The following TMEM116 variants were observed in gnomAD, a reference collection of about 807,000 sequenced individuals.
TMEM116 encodes transmembrane protein 116.
In TMEM116, 38 loss-of-function variants were observed where a neutral mutation model predicts 44.3. The observed-to-expected ratio is 0.86, with a 90% CI of 0.66 to 1.12. The LOEUF (loss-of-function observed/expected upper bound fraction) is 1.12, where lower values mean the gene tolerates loss of function less well. Among genes scored for constraint, TMEM116 ranks in the 50% most tolerant of loss-of-function variants. The pLI, the probability that TMEM116 is intolerant of heterozygous loss-of-function variation, is 0.00. For synonymous variants in TMEM116, 132 were observed against 144.8 expected (o/e 0.91, Z 0.64); for missense variants, 354 against 401.7 (o/e 0.88, Z 1.01).
chr12:111,999,883 A>G (rs2077156588), intron 3 of TMEM116, among the ~76,000 whole-genome samples: 1 of 152,198 alleles, frequency 6.6e-6, no homozygotes, highest in South Asian at 2.1e-4. Flanking sequence ...GGGGGAGGTA[A>G]ATGCTTCACA....
At chr12:111,988,825 A>G (rs1179458047) in intron 4 of TMEM116, among the ~76,000 whole-genome samples, 3 of 151,876 alleles carry the variant, frequency 2.0e-5, no homozygotes, top group Non-Finnish European at 4.4e-5. Context: ...CCCCGTCTCT[A>G]CTAAAAAATA....
At chr12:111,942,753 CA>C (rs2072942699) in intron 5 of TMEM116, among the ~76,000 whole-genome samples, 1 of 151,814 alleles carries the variant, frequency 6.6e-6, no homozygotes, top group Non-Finnish European at 1.5e-5. Context: ...CTCCTATAAT[CA>C]AACCTGTATG....
chr12:111,980,654 G>A (rs1007674203), intron 4 of TMEM116, among the ~76,000 whole-genome samples: 1 of 152,262 alleles, frequency 6.6e-6, no homozygotes, highest in South Asian at 2.1e-4. Context: ...GGAAACTTTG[G>A]GAACTAGGGG....
chr12:111,993,954 T>G (rs1319880846), intron 3 of TMEM116: 5 of 625,116 alleles, frequency 8.0e-6, no homozygotes, highest in Non-Finnish European at 1.2e-5. Flanking sequence ...GTACTCTGAC[T>G]GCACTACAGT....
At chr12:111,960,491 CAAAAAAAAAAA>C (rs545322547) in intron 4 of TMEM116, among the ~76,000 whole-genome samples, 4 of 28,574 alleles carry the variant, frequency 1.4e-4, no homozygotes, top group Admixed American at 5.7e-4. Flanking sequence ...GACTCCGTCT[CAAAAAAAAAAA>C]AAAAAAAAAA....
At chr12:111,937,290 C>A (rs755456705) in intron 6 of TMEM116, 47 bp from the exon 7 acceptor site, 6 of 1,426,328 alleles carry the variant, frequency 4.2e-6, no homozygotes, top group Non-Finnish European at 5.9e-6. Flanking sequence ...CTTTTTCATG[C>A]CCTTCCTCCT....
rs1008366406 is a variant in TMEM116 at position 112,013,007 on chromosome 12, G to GT, written c.-40dup. The GT allele has an allele frequency of 1.9e-5, 3 of 159,422 alleles. No individual in the cohort carries two copies. 9.9% of individuals were successfully genotyped at this position (159,422 alleles called of 1,614,324 possible). ...AACTTGACTAATAGACTGACCGAGG[G>GT]TTGGAGCGGGTCCCAACCAACTGCC... On this transcript the variant is annotated 5_prime_UTR_variant, in exon 1 of 11. Transcript: ENST00000552374.
chr12:111,964,041 C>T (rs1654767440), intron 4 of TMEM116, among the ~76,000 whole-genome samples: 2 of 149,880 alleles, frequency 1.3e-5, no homozygotes, highest in Admixed American at 6.7e-5. Flanking sequence ...AAACAACTCC[C>T]GTTTTTTTTT....
chr12:112,007,257 T>G (rs1266605262), intron 1 of TMEM116, among the ~76,000 whole-genome samples: 1 of 151,932 alleles, frequency 6.6e-6, no homozygotes, highest in Non-Finnish European at 1.5e-5. Context: ...CTACTAAAAA[T>G]ACAAATATAA....
chr12:111,944,360 G>C (rs970667902), intron 4 of TMEM116, among the ~76,000 whole-genome samples: 2 of 151,988 alleles, frequency 1.3e-5, no homozygotes, highest in Non-Finnish European at 2.9e-5. Flanking sequence ...TCACCAGCTG[G>C]TAAGAGCGAG....
chr12:111,957,372 T>A (rs914650338), intron 4 of TMEM116, among the ~76,000 whole-genome samples: 1 of 146,270 alleles, frequency 6.8e-6, no homozygotes, highest in Non-Finnish European at 1.5e-5. Context: ...GTCTGAGAAG[T>A]GAGGAGCCCC....
chr12:111,943,082 C>T (rs374558380), intron 5 of TMEM116, among the ~76,000 whole-genome samples, 183 bp downstream of exon 5: 2 of 151,866 alleles, frequency 1.3e-5, no homozygotes, highest in African/African-American at 2.4e-5. Flanking sequence ...CTACAATGCC[C>T]GGCTAATTTT....
At chr12:111,996,741 A>G (rs1253117925) in intron 3 of TMEM116, among the ~76,000 whole-genome samples, 1 of 152,204 alleles carries the variant, frequency 6.6e-6, no homozygotes, top group Non-Finnish European at 1.5e-5. Context: ...ATGCTTATAC[A>G]ATAATGCTTA....
intron 4 of TMEM116, among the ~76,000 whole-genome samples, chr12:111,957,590 C>G (rs112924100): frequency 1.3e-5 from 2 of 150,842 alleles, no homozygotes; most frequent in African/African-American, 2.4e-5. Flanking sequence ...GGCCAGCCCC[C>G]GCCCGGCCAG....
chr12:112,007,864 T>TATGACC (rs2077662077), intron 1 of TMEM116, among the ~76,000 whole-genome samples: 2 of 152,236 alleles, frequency 1.3e-5, no homozygotes, highest in Non-Finnish European at 2.9e-5. Flanking sequence ...GGGAATTTAC[T>TATGACC]TTTCAGTTTT....
At chr12:112,012,617 A>T (rs1406043158) in intron 1 of TMEM116, 1 of 152,406 alleles carries the variant, frequency 6.6e-6, no homozygotes, top group Non-Finnish European at 1.5e-5. Flanking sequence ...CACTGTTTAG[A>T]TCATTATTCC....
intron 4 of TMEM116, among the ~76,000 whole-genome samples, chr12:111,946,028 A>G (rs1468206628): frequency 6.6e-6 from 1 of 152,232 alleles, no homozygotes; most frequent in Non-Finnish European, 1.5e-5. Context: ...TTTTAATTCC[A>G]CAATCTGTTT....
At chr12:111,972,731 T>C (rs887907578) in intron 4 of TMEM116, among the ~76,000 whole-genome samples, 2 of 152,054 alleles carry the variant, frequency 1.3e-5, no homozygotes, top group Admixed American at 1.3e-4. Context: ...ATACAAAAAT[T>C]AGCCAGGTGT....
chr12:111,941,599 CTG>C (rs1593297534), intron 5 of TMEM116, among the ~76,000 whole-genome samples: 2 of 152,142 alleles, frequency 1.3e-5, no homozygotes, highest in East Asian at 1.9e-4. Context: ...CTGAACTAGA[CTG>C]TGAATTAAAT....
Sources: gnomAD v4.1 joint callset for allele counts (sites outside exome capture counted in the v4.1 genomes callset) on GRCh38, gnomAD v4.1.1 for gene constraint, MANE v1.5 for transcripts, NCBI Gene and HGNC (gene_info 2026-07-23, HGNC 2026-07-21) for gene names.